Variants in KAZN observed in about 807,000 individuals in gnomAD.
The protein encoded by KAZN is kazrin, periplakin interacting protein.
KAZN carries 40 observed loss-of-function variants against 87.4 expected under a neutral mutation model. That is an observed-to-expected ratio of 0.46 (90% CI 0.36 to 0.60). KAZN has a LOEUF of 0.60. KAZN is among the 20% of genes least tolerant of loss of function. KAZN has a pLI of 0.00. For synonymous variants in KAZN, 466 were observed against 458.3 expected (o/e 1.02, Z -0.22); for missense variants, 898 against 1,073.9 (o/e 0.84, Z 2.29).
rs1169569235 is a variant in KAZN, at chr1:14,497,820, T to C, written c.250-101163T>C. Among the ~76,000 whole-genome samples the C allele has an allele frequency of 2.1e-5, 3 of 144,628 alleles. No homozygotes were observed. The East Asian group carries it at 6.0e-4, about 29-fold the overall frequency. 94.9% of individuals were successfully genotyped at this position (144,628 alleles called of 152,430 possible). On this transcript the variant is annotated intron_variant, in intron 2 of 16. Transcript: ENST00000636203. Reference sequence around the variant, plus strand: ...ATTGGGTGGCTGATCCAATTTGAGATGGAAAAAAAAAAAGAGGAAGAAGAA... The same window carrying C: ...ATTGGGTGGCTGATCCAATTTGAGACGGAAAAAAAAAAAGAGGAAGAAGAA...
At chr1:14,000,690 A>C (rs1289165766) in intron 1 of KAZN, among the ~76,000 whole-genome samples, 1 of 152,236 alleles carries the variant, frequency 6.6e-6, no homozygotes, top group Non-Finnish European at 1.5e-5. Flanking sequence ...TAGTATTGGA[A>C]GTTCTGGCTG....
chr1:14,906,348 AG>A (rs1018301667), intron 1 of KAZN, among the ~76,000 whole-genome samples: 3 of 152,094 alleles, frequency 2.0e-5, no homozygotes, highest in Non-Finnish European at 4.4e-5. Context: ...TTGCCTGAAC[AG>A]GGTGACCTTT....
intron 2 of KAZN, among the ~76,000 whole-genome samples, chr1:14,581,366 G>A (rs950113856): frequency 6.6e-6 from 1 of 151,900 alleles, no homozygotes; most frequent in Non-Finnish European, 1.5e-5. Context: ...AAAACCTGTG[G>A]CTCCACCTTC....
intron 2 of KAZN, among the ~76,000 whole-genome samples, chr1:14,352,534 G>A (rs76076638): frequency 0.018 from 2,756 of 151,964 alleles, 74 homozygotes; most frequent in African/African-American, 0.063. Context: ...CCCATACTTG[G>A]GTATGCTTTA....
chr1:14,423,960 T>C (rs952669439), intron 2 of KAZN, among the ~76,000 whole-genome samples: 2 of 152,128 alleles, frequency 1.3e-5, no homozygotes, highest in Non-Finnish European at 2.9e-5. Context: ...CAAATACAGA[T>C]GGGACAGGCA....
chr1:14,450,825 A>T (rs891296485), intron 2 of KAZN, among the ~76,000 whole-genome samples: 2 of 152,006 alleles, frequency 1.3e-5, no homozygotes, highest in Non-Finnish European at 2.9e-5. Flanking sequence ...ATCCCCTCTA[A>T]ATCTCATGTT....
intron 1 of KAZN, among the ~76,000 whole-genome samples, chr1:14,120,254 T>C (rs1347360705): frequency 6.6e-6 from 1 of 151,638 alleles, no homozygotes; most frequent in African/African-American, 2.4e-5. Flanking sequence ...GCATCTCACA[T>C]GGGCAGAGAA....
intron 8 of KAZN, among the ~76,000 whole-genome samples, chr1:15,088,220 A>G (rs1167876210): frequency 6.6e-6 from 1 of 152,222 alleles, no homozygotes; most frequent in Admixed American, 6.5e-5. Context: ...GTGATCTAAT[A>G]AAAACTTTAT....
At chr1:14,417,008 A>ATGTG (rs1164125600) in intron 2 of KAZN, among the ~76,000 whole-genome samples, 57 of 64,204 alleles carry the variant, frequency 8.9e-4, no homozygotes, top group African/African-American at 2.5e-3. Flanking sequence ...ATGTATATAT[A>ATGTG]TGTACACACA....
chr1:14,137,811 C>T lies in KAZN; in HGVS notation c.92-42624C>T, dbSNP rs187215709. Among the ~76,000 whole-genome samples, 220 of 146,080 alleles carry T rather than the reference C, an allele frequency of 1.5e-3. 1 individual carries two copies. The highest frequency in any genetic ancestry group is 5.4e-3 in the African/African-American group (211 of 39,336). On this transcript the variant is annotated intron_variant, in intron 1 of 16. Coordinates refer to the KAZN transcript ENST00000636203. ...GCAACCTCCTCTTCCTGGGTTTAAGCGATTCTCCTGCCTCAGCCTCCTGAG... is the reference window on the plus strand; with the variant it reads ...GCAACCTCCTCTTCCTGGGTTTAAGTGATTCTCCTGCCTCAGCCTCCTGAG...
chr1:15,065,537 A>AC (rs1352969607), intron 7 of KAZN, 93 bp from the exon 8 acceptor site: 1 of 1,134,696 alleles, frequency 8.8e-7, no homozygotes, highest in Non-Finnish European at 1.3e-6. Flanking sequence ...GGCCTTCCCC[A>AC]CCCCGGATCC....
At chr1:14,630,093 TG>T (rs1255752237) in intron 1 of KAZN, among the ~76,000 whole-genome samples, 1 of 152,216 alleles carries the variant, frequency 6.6e-6, no homozygotes, top group Non-Finnish European at 1.5e-5. Flanking sequence ...AGTCCCCCAC[TG>T]TAACACTGTT....
intron 1 of KAZN, among the ~76,000 whole-genome samples, chr1:14,053,243 G>A (rs1288400437): frequency 6.6e-6 from 1 of 152,236 alleles, no homozygotes; most frequent in Non-Finnish European, 1.5e-5. Context: ...ATGAAATGTA[G>A]TTCTACTACC....
chr1:14,293,737 G>A (rs1387308347), intron 2 of KAZN, among the ~76,000 whole-genome samples: 1 of 151,920 alleles, frequency 6.6e-6, no homozygotes, highest in Admixed American at 6.5e-5. Flanking sequence ...CAAGCTCAAG[G>A]TTAATATCTT....
At chr1:14,028,443 C>T (rs1378904973) in intron 1 of KAZN, among the ~76,000 whole-genome samples, 1 of 152,156 alleles carries the variant, frequency 6.6e-6, no homozygotes, top group African/African-American at 2.4e-5. Flanking sequence ...AACCAGCCAG[C>T]CAGCCGGATG....
At chr1:14,167,489 G>A (rs1012468568) in intron 1 of KAZN, among the ~76,000 whole-genome samples, 3 of 152,130 alleles carry the variant, frequency 2.0e-5, no homozygotes, top group Non-Finnish European at 4.4e-5. Flanking sequence ...CTGGGAGGAC[G>A]AGGCACGTGG....
intron 2 of KAZN, among the ~76,000 whole-genome samples, chr1:14,343,697 C>T (rs1457994784): frequency 2.0e-5 from 3 of 152,156 alleles, no homozygotes; most frequent in Non-Finnish European, 4.4e-5. Flanking sequence ...GAATTTTGTG[C>T]CTAAAATGGT....
intron 1 of KAZN, among the ~76,000 whole-genome samples, chr1:14,933,900 T>G (rs1185298832): frequency 6.6e-6 from 1 of 151,118 alleles, no homozygotes; most frequent in African/African-American, 2.4e-5. Flanking sequence ...CAGGCTGGAG[T>G]GCAGTGATGT....
At chr1:14,583,240 CA>C (rs1675659782) in intron 2 of KAZN, among the ~76,000 whole-genome samples, 1 of 152,214 alleles carries the variant, frequency 6.6e-6, no homozygotes, top group Non-Finnish European at 1.5e-5. Flanking sequence ...GGCAAGTCTG[CA>C]GTCTAAGCTA....
Sources: allele counts gnomAD v4.1 joint callset (sites outside exome capture counted in the v4.1 genomes callset), GRCh38; gene constraint gnomAD v4.1.1; transcripts MANE v1.5; gene names NCBI Gene and HGNC (gene_info 2026-07-23, HGNC 2026-07-21).